CPVL: variants seen among roughly 807,000 people sequenced by gnomAD.
CPVL encodes the protein probable serine carboxypeptidase CPVL.
CPVL carries 51 observed loss-of-function variants against 63.7 expected under a neutral mutation model. The observed-to-expected ratio is 0.80, with a 90% confidence interval of 0.64 to 1.01. CPVL has a LOEUF of 1.01. Among genes scored for constraint, CPVL ranks in the 50% least tolerant of loss-of-function variants. CPVL has a pLI of 0.00. For missense variants in CPVL, 530 were observed against 573.1 expected (o/e 0.92, Z 0.77); for synonymous variants, 195 against 206.0 (o/e 0.95, Z 0.46).
intron 7 of CPVL, among the ~76,000 whole-genome samples, chr7:29,083,006 G>A (rs1045038620): frequency 5.9e-5 from 9 of 152,096 alleles, no homozygotes; most frequent in African/African-American, 2.2e-4. Context: ...CCCTAACCTG[G>A]CTCTGAAATT....
intron 5 of CPVL, among the ~76,000 whole-genome samples, chr7:29,162,565 G>A (rs1222613043): frequency 6.6e-6 from 1 of 151,726 alleles, no homozygotes; most frequent in Non-Finnish European, 1.5e-5. Flanking sequence ...GGAGGCTGAG[G>A]CAGGAGAATC....
intron 12 of CPVL, among the ~76,000 whole-genome samples, chr7:29,005,099 C>T (rs1785051155): frequency 6.6e-6 from 1 of 151,856 alleles, no homozygotes; most frequent in African/African-American, 2.4e-5. Flanking sequence ...GGGGTTTCAC[C>T]ATGTTCCCCA....
At chr7:29,070,517 A>G (rs1416165891) in intron 9 of CPVL, among the ~76,000 whole-genome samples, 1 of 152,206 alleles carries the variant, frequency 6.6e-6, no homozygotes, top group Non-Finnish European at 1.5e-5. Flanking sequence ...CACAGCAGAA[A>G]GCCTTGAAAA....
chr7:29,109,882 C>A lies in CPVL; in HGVS notation c.288+2822G>T, dbSNP rs1289523966. 2.6e-5 allele frequency among the ~76,000 whole-genome samples: 4 copies of A among 152,174 alleles called. No homozygotes were observed. In the South Asian group the frequency reaches 6.2e-4, roughly 24 times the overall value. On this transcript the variant is annotated intron_variant, in intron 3 of 12. Coordinates refer to ENST00000265394, the MANE Select transcript of CPVL (RefSeq NM_031311.5). ...AAAAAGCAAAAACCAACAGTCCAGT[C>A]ATTGTTTAATGAAGGGGGTTTTCAG...
intron 1 of CPVL, among the ~76,000 whole-genome samples, chr7:29,123,614 AAAAAAAAAAAAAAAATATATATATAT>A (rs1438530421): frequency 1.4e-4 from 13 of 92,208 alleles, no homozygotes; most frequent in African/African-American, 6.9e-4. Flanking sequence ...AAAAAAAAAA[AAAAAAAAAAAAAAAATATATATATAT>A]ATATATATAT....
intron 12 of CPVL, chr7:29,010,313 T>G (rs1785687242): frequency 6.6e-6 from 1 of 151,274 alleles, no homozygotes; most frequent in Non-Finnish European, 1.5e-5. Flanking sequence ...AAATGTAAGC[T>G]CCTATATTTC....
chr7:29,057,785 T>C (rs1173457909), intron 11 of CPVL, among the ~76,000 whole-genome samples: 2 of 152,234 alleles, frequency 1.3e-5, no homozygotes, highest in East Asian at 3.8e-4. Context: ...GTATAACCTT[T>C]GCTCCTTTAT....
chr7:29,081,296 A>G lies in CPVL; in HGVS notation c.609+5188T>C, dbSNP rs576368348. On this transcript the variant is annotated intron_variant, in intron 7 of 12. Coordinates refer to ENST00000265394, the MANE Select transcript of CPVL (RefSeq NM_031311.5). ...TCTCTTTTTGAAGTATGTTTTTTTCATGCCTTGAGGAGGGTGATTTACAGA... is the reference window on the plus strand; with the variant it reads ...TCTCTTTTTGAAGTATGTTTTTTTCGTGCCTTGAGGAGGGTGATTTACAGA... 11 of 152,344 alleles carry G rather than the reference A, an allele frequency of 7.2e-5. No homozygotes were observed. In the East Asian group the frequency reaches 2.1e-3, roughly 29 times the overall value. The allele number at this position is 152,344 out of a possible 1,614,324, so 9.4% of individuals were successfully genotyped here.
At chr7:29,092,087 A>T (rs1054334531) in intron 6 of CPVL, among the ~76,000 whole-genome samples, 6 of 152,136 alleles carry the variant, frequency 3.9e-5, no homozygotes, top group African/African-American at 1.2e-4. Flanking sequence ...GCTTTTTTTT[A>T]AAAATGCTAA....
chr7:29,133,245 T>C (rs1790878614), intron 1 of CPVL, among the ~76,000 whole-genome samples: 1 of 152,172 alleles, frequency 6.6e-6, no homozygotes, highest in Non-Finnish European at 1.5e-5. Context: ...TATTCTGACT[T>C]CTGTGCATAT....
chr7:29,168,200 A>G (rs2128721123), intron 5 of CPVL, among the ~76,000 whole-genome samples: 1 of 152,094 alleles, frequency 6.6e-6, no homozygotes, highest in Non-Finnish European at 1.5e-5. Context: ...GCATTTTTTT[A>G]TTTCATAAAA....
At chr7:29,047,284 A>G (rs967942560) in intron 11 of CPVL, among the ~76,000 whole-genome samples, 2 of 152,162 alleles carry the variant, frequency 1.3e-5, no homozygotes, top group Non-Finnish European at 2.9e-5. Flanking sequence ...GATTAAATAA[A>G]GTCAAATGTA....
chr7:29,124,030 A>G (rs1424853639), intron 1 of CPVL, among the ~76,000 whole-genome samples: 2 of 152,284 alleles, frequency 1.3e-5, no homozygotes, highest in South Asian at 4.1e-4. Context: ...AAGCACCGAC[A>G]TACTTCATTT....
Position 29,112,817 on chromosome 7 carries a change from C to T in CPVL, c.175G>A (p.Glu59Lys). 6.2e-7 allele frequency: 1 copy of T among 1,609,672 alleles called. No homozygotes were observed. Among genetic ancestry groups the T allele is most frequent in the Non-Finnish European group, 8.5e-7 (1 of 1,177,200 alleles). Reference protein sequence around the residue: ...IEAGKIQKGRELSLVGPFPGL... With the variant: ...IEAGKIQKGRKLSLVGPFPGL... Reference sequence around the variant, plus strand: ...GGGAAAGGGCCGACCAAACTCAATTCTCTTCCTAGTGGGGGAAAAAAAATT... The same window carrying T: ...GGGAAAGGGCCGACCAAACTCAATTTTCTTCCTAGTGGGGGAAAAAAAATT... The change falls in exon 3 of 13, where the codon GAA (glutamate) becomes AAA (lysine). Residue 59 changes from glutamate to lysine, a missense_variant. Glu to Lys is a moderately conservative substitution (Grantham distance 56, BLOSUM62 1). Transcript: ENST00000265394.
At chr7:29,007,960 A>G (rs1785370377) in intron 12 of CPVL, among the ~76,000 whole-genome samples, 1 of 152,196 alleles carries the variant, frequency 6.6e-6, no homozygotes, top group Non-Finnish European at 1.5e-5. Context: ...AAGGCAATTA[A>G]AGAGTTGAAG....
intron 1 of CPVL, among the ~76,000 whole-genome samples, chr7:29,129,553 C>T (rs323181): frequency 0.08 from 12,113 of 151,686 alleles, 1,002 homozygotes; most frequent in African/African-American, 0.21. Flanking sequence ...CATGCAACCT[C>T]TGCCTCCCAG....
intron 1 of CPVL, among the ~76,000 whole-genome samples, chr7:29,132,450 G>C (rs1420705916): frequency 6.6e-6 from 1 of 152,108 alleles, no homozygotes; most frequent in Non-Finnish European, 1.5e-5. Flanking sequence ...GTAGGGGTAG[G>C]GTGTCAGGCA....
intron 12 of CPVL, 69 bp from the exon 13 acceptor site, chr7:28,995,951 A>T: frequency 1.1e-6 from 1 of 888,842 alleles, no homozygotes; most frequent in South Asian, 1.6e-5. Flanking sequence ...GAAAGTTTTC[A>T]TTCAGATTAA....
chr7:29,076,741 T>C (rs1031816956), intron 7 of CPVL, among the ~76,000 whole-genome samples: 3 of 152,222 alleles, frequency 2.0e-5, no homozygotes, highest in African/African-American at 7.2e-5. Flanking sequence ...TTGTACATGC[T>C]TGTATTTGCT....
Sources: allele counts gnomAD v4.1 joint callset (sites outside exome capture counted in the v4.1 genomes callset), GRCh38; gene constraint gnomAD v4.1.1; transcripts MANE v1.5; gene names NCBI Gene and HGNC (gene_info 2026-07-23, HGNC 2026-07-21).